VAC14: variants seen among roughly 807,000 people sequenced by gnomAD.
VAC14 encodes the protein VAC14 component of PIKFYVE complex.
In VAC14, 47 loss-of-function variants were observed where a neutral mutation model predicts 85.3. That is an observed-to-expected ratio of 0.55 (90% CI 0.44 to 0.70). The LOEUF is 0.70. Ranked by LOEUF, VAC14 falls within the 30% of genes least tolerant of loss-of-function variation. The pLI, the probability that VAC14 is intolerant of heterozygous loss-of-function variation, is 0.00. For missense variants in VAC14, 861 were observed against 1,004.3 expected, an observed-to-expected ratio of 0.86 and a Z score of 1.93; for synonymous variants, 447 against 430.5, an observed-to-expected ratio of 1.04 and a Z score of -0.47.
intron 10 of VAC14, 191 bp downstream of exon 10, chr16:70,771,918 C>A (rs1033320893): frequency 3.4e-6 from 2 of 588,906 alleles, no homozygotes; most frequent in South Asian, 2.1e-5. Context: ...ATCCATCAAG[C>A]CTGGGTGGGG....
intron 12 of VAC14, among the ~76,000 whole-genome samples, chr16:70,758,443 G>A (rs2032048961): frequency 6.6e-6 from 1 of 152,218 alleles, no homozygotes; most frequent in Admixed American, 6.5e-5. Context: ...TTCACTCACA[G>A]GGGAATAGAC....
chr16:70,738,901 G>C (rs1052713620), intron 13 of VAC14, among the ~76,000 whole-genome samples: 1 of 152,188 alleles, frequency 6.6e-6, no homozygotes, highest in Non-Finnish European at 1.5e-5. Flanking sequence ...TTCCAGCTGG[G>C]GGTCTAAGAG....
At position 70,797,590 on chromosome 16, in the gene VAC14, T is replaced by C. The variant is rs141591308; in HGVS notation, c.104+3207A>G. Among the ~76,000 whole-genome samples, 239 of 152,350 alleles carry C rather than the reference T, an allele frequency of 1.6e-3. 1 individual carries two copies. Among genetic ancestry groups the C allele is most frequent in the Middle Eastern group, 0.014 (4 of 294 alleles). ...TGTATACAGTTTGTAACAATTACAA[T>C]GTGCCCACTACTACACTAAATACTT... is the stretch of plus-strand genomic sequence containing the variant. On this transcript the variant is annotated intron_variant, in intron 1 of 18. Coordinates refer to ENST00000261776, the MANE Select transcript of VAC14 (RefSeq NM_018052.5).
intron 14 of VAC14, among the ~76,000 whole-genome samples, chr16:70,725,312 C>T (rs548345638): frequency 6.6e-6 from 1 of 152,354 alleles, no homozygotes; most frequent in East Asian, 1.9e-4. Flanking sequence ...GCCAGTGGTG[C>T]AGACGGCCGG....
At chr16:70,769,810 C>G (rs1186639806) in intron 10 of VAC14, 2 of 152,330 alleles carry the variant, frequency 1.3e-5, no homozygotes, top group Non-Finnish European at 2.9e-5. Context: ...AAGCCTACCT[C>G]TGCCTTCTCC....
intron 14 of VAC14, among the ~76,000 whole-genome samples, chr16:70,722,216 C>T (rs753972396): frequency 8.5e-5 from 13 of 152,246 alleles, no homozygotes; most frequent in Non-Finnish European, 1.6e-4. Flanking sequence ...TGGCCATCCC[C>T]GCCTGGGCTA....
chr16:70,743,780 T>G (rs944180658), intron 13 of VAC14, among the ~76,000 whole-genome samples: 1 of 152,136 alleles, frequency 6.6e-6, no homozygotes. Context: ...TGGAGACACC[T>G]GAGATTCACT....
intron 14 of VAC14, among the ~76,000 whole-genome samples, chr16:70,703,791 C>T (rs910074775): frequency 5.3e-5 from 8 of 152,312 alleles, no homozygotes; most frequent in South Asian, 4.1e-4. Context: ...CTGAACTTCC[C>T]GGAGCCCAGC....
intron 5 of VAC14, among the ~76,000 whole-genome samples, chr16:70,783,782 A>G (rs572010731): frequency 3.9e-5 from 6 of 152,248 alleles, no homozygotes; most frequent in African/African-American, 1.4e-4. Flanking sequence ...TGCCCAGGGG[A>G]GAAGGGGATG....
intron 14 of VAC14, among the ~76,000 whole-genome samples, chr16:70,706,975 G>A (rs747701354): frequency 2.0e-5 from 3 of 152,284 alleles, no homozygotes; most frequent in East Asian, 1.9e-4. Flanking sequence ...CGCTCCCACC[G>A]GAAAAGGGCC....
chr16:70,786,289 C>T lies in VAC14; in HGVS notation c.181G>A (p.Ala61Thr). ...CGGCTGTGGGGGTGCTGAGACAGGG[C>T]AAACTCCTGGGACAGGGTCTGGATC... ...HVIQTLSQEFALSQHPHSRKG... is the reference protein window; with the variant it reads ...HVIQTLSQEFTLSQHPHSRKG... The change falls in exon 2 of 19, where the codon GCC becomes ACC. Residue 61 changes from alanine to threonine, a missense_variant. Coordinates refer to ENST00000261776, the MANE Select transcript of VAC14 (RefSeq NM_018052.5). 2 of 1,614,236 alleles carry T rather than the reference C, an allele frequency of 1.2e-6. No individual in the cohort carries two copies. Among genetic ancestry groups the T allele is most frequent in the Non-Finnish European group, 1.7e-6 (2 of 1,180,034 alleles).
chr16:70,694,599 C>T (rs77720942), intron 17 of VAC14, among the ~76,000 whole-genome samples: 17 of 152,184 alleles, frequency 1.1e-4, no homozygotes, highest in Non-Finnish European at 2.1e-4. Context: ...GGGTCAGAGA[C>T]GCTGCCAGAG....
At chr16:70,735,175 G>A (rs898836075) in intron 13 of VAC14, among the ~76,000 whole-genome samples, 7 of 152,072 alleles carry the variant, frequency 4.6e-5, no homozygotes, top group African/African-American at 1.7e-4. Flanking sequence ...AGGACACTGG[G>A]GGATGCAGAG....
chr16:70,724,704 T>C (rs1187888714), intron 14 of VAC14, among the ~76,000 whole-genome samples: 2 of 152,172 alleles, frequency 1.3e-5, no homozygotes, highest in African/African-American at 2.4e-5. Context: ...CCCTGGCCCC[T>C]GGGCGGGGAA....
intron 14 of VAC14, among the ~76,000 whole-genome samples, chr16:70,706,892 C>T (rs2053930580): frequency 1.3e-5 from 2 of 152,186 alleles, no homozygotes; most frequent in Non-Finnish European, 2.9e-5. Context: ...TAGGAGACAC[C>T]TGGAGTCTCA....
chr16:70,719,350 T>C (rs572928910), intron 14 of VAC14, among the ~76,000 whole-genome samples: 1 of 151,954 alleles, frequency 6.6e-6, no homozygotes, highest in South Asian at 2.1e-4. Flanking sequence ...ACAAAAAAAA[T>C]GCTAACTGTA....
At chr16:70,719,987 G>A (rs1323696750) in intron 14 of VAC14, among the ~76,000 whole-genome samples, 1 of 152,142 alleles carries the variant, frequency 6.6e-6, no homozygotes, top group African/African-American at 2.4e-5. Flanking sequence ...TCACGGTATC[G>A]TCATACAGAA....
intron 13 of VAC14, among the ~76,000 whole-genome samples, chr16:70,731,944 A>G (rs572495126): frequency 3.0e-4 from 46 of 152,330 alleles, no homozygotes; most frequent in African/African-American, 1.1e-3. Context: ...TCATGTGTAT[A>G]AGACCCTGCT....
intron 1 of VAC14, among the ~76,000 whole-genome samples, chr16:70,789,084 TA>T (rs774390788): frequency 2.6e-5 from 4 of 152,152 alleles, no homozygotes; most frequent in Non-Finnish European, 5.9e-5. Context: ...AACACAAGAC[TA>T]AACGCAGAAT....
Sources: allele counts gnomAD v4.1 joint callset (sites outside exome capture counted in the v4.1 genomes callset), GRCh38; gene constraint gnomAD v4.1.1; transcripts MANE v1.5; gene names NCBI Gene and HGNC (gene_info 2026-07-23, HGNC 2026-07-21).